EBF1: variants seen among roughly 807,000 people sequenced by gnomAD.
The protein encoded by EBF1 is transcription factor COE1.
In EBF1, 10 loss-of-function variants were observed where a neutral mutation model predicts 68.4. The ratio of observed to expected loss-of-function variants is 0.15; its 90% CI spans 0.09 to 0.25. EBF1 has a LOEUF of 0.25. EBF1 is among the 10% of genes least tolerant of loss of function. The pLI, the probability that EBF1 is intolerant of heterozygous loss-of-function variation, is 1.00. For synonymous variants in EBF1, 298 were observed against 299.8 expected, an observed-to-expected ratio of 0.99 and a Z score of 0.06; for missense variants, 509 against 794.4, an observed-to-expected ratio of 0.64 and a Z score of 4.32.
chr5:158,788,361 TC>T (rs1208946122), intron 9 of EBF1, among the ~76,000 whole-genome samples: 1 of 151,922 alleles, frequency 6.6e-6, no homozygotes, highest in African/African-American at 2.4e-5. Context: ...GGGAAAAGGA[TC>T]CCATGGAGAG....
intron 6 of EBF1, among the ~76,000 whole-genome samples, chr5:158,973,782 G>A (rs1561675104): frequency 6.6e-6 from 1 of 152,122 alleles, no homozygotes; most frequent in Non-Finnish European, 1.5e-5. Flanking sequence ...TTAGCTAAAT[G>A]TCCCATAAAA....
Position 158,699,089 on chromosome 5 carries a change from A to G in EBF1, c.*22T>C, listed in dbSNP as rs369806514. On this transcript the variant is annotated 3_prime_UTR_variant, in exon 16 of 16. Transcript: ENST00000313708. ...AGCAGAATCCAACCTCTTCATTAAT[A>G]CAATTCTTCAAGGCAATTCTTTCAC... 1.3e-4 allele frequency: 201 copies of G among 1,600,026 alleles called. No individual in the cohort carries two copies. In the African/African-American group the frequency reaches 2.4e-3, roughly 19 times the overall value.
chr5:159,075,326 G>T (rs554337457), intron 5 of EBF1, among the ~76,000 whole-genome samples: 1 of 152,226 alleles, frequency 6.6e-6, no homozygotes, highest in African/African-American at 2.4e-5. Context: ...AGGCAAATCT[G>T]CCCTGTGCTC....
At chr5:158,940,753 T>TCCCCCCCCCCCC (rs1561573370) in intron 6 of EBF1, among the ~76,000 whole-genome samples, 2 of 7,658 alleles carry the variant, frequency 2.6e-4, no homozygotes, top group Non-Finnish European at 6.4e-4. Context: ...TGCACCCCCT[T>TCCCCCCCCCCCC]CACCCCACCG....
At chr5:158,944,849 T>C (rs748897831) in intron 6 of EBF1, among the ~76,000 whole-genome samples, 1 of 152,242 alleles carries the variant, frequency 6.6e-6, no homozygotes, top group Non-Finnish European at 1.5e-5. Context: ...ATATGTTTGT[T>C]GGCCACATAA....
At chr5:158,985,738 C>T (rs1367285980) in intron 6 of EBF1, 1 of 152,218 alleles carries the variant, frequency 6.6e-6, no homozygotes, top group Non-Finnish European at 1.5e-5. Flanking sequence ...TGCTATTTGC[C>T]TACTTCTCAG....
chr5:159,008,242 C>A (rs893324660), intron 6 of EBF1, among the ~76,000 whole-genome samples: 6 of 152,138 alleles, frequency 3.9e-5, no homozygotes, highest in African/African-American at 1.4e-4. Flanking sequence ...GAAATCTATT[C>A]TAAGATTGTA....
intron 15 of EBF1, among the ~76,000 whole-genome samples, chr5:158,706,681 A>G (rs1757945050): frequency 6.6e-6 from 1 of 152,190 alleles, no homozygotes; most frequent in African/African-American, 2.4e-5. Context: ...GTGAGATGCC[A>G]GCCACCAAGG....
Position 158,712,344 on chromosome 5 carries a change from G to T in EBF1, c.1370-11C>A. On this transcript the variant is annotated splice_polypyrimidine_tract_variant and intron_variant, in intron 13 of 15. Transcript: ENST00000313708. Reference sequence around the variant, plus strand: ...AGTTGCGGGTGAAACCTGAGGGGCGGGGGCAAAACCGGAGGTGAGGGTGGC... The same window carrying T: ...AGTTGCGGGTGAAACCTGAGGGGCGTGGGCAAAACCGGAGGTGAGGGTGGC... 2 of 1,612,838 alleles carry T rather than the reference G, an allele frequency of 1.2e-6. No homozygotes were observed. The highest frequency in any genetic ancestry group is 2.7e-5 in the African/African-American group (2 of 75,036).
chr5:159,016,856 G>A (rs1483790653), intron 6 of EBF1, among the ~76,000 whole-genome samples: 1 of 152,214 alleles, frequency 6.6e-6, no homozygotes, highest in Non-Finnish European at 1.5e-5. Flanking sequence ...GAAAGGACAA[G>A]TAGATAAGTT....
intron 5 of EBF1, among the ~76,000 whole-genome samples, chr5:159,078,033 C>T (rs150649023): frequency 6.6e-6 from 1 of 152,222 alleles, no homozygotes; most frequent in Admixed American, 6.5e-5. Context: ...AGCCACCACG[C>T]CCAGGCTAGT....
At chr5:158,851,475 AGAAGG>A (rs1438486260) in intron 6 of EBF1, among the ~76,000 whole-genome samples, 2 of 92,146 alleles carry the variant, frequency 2.2e-5, no homozygotes, top group African/African-American at 8.8e-5. Flanking sequence ...AGGGAAGGAG[AGAAGG>A]GAAGGGGAGG....
chr5:158,891,132 T>C (rs1361573119), intron 6 of EBF1, among the ~76,000 whole-genome samples: 3 of 152,200 alleles, frequency 2.0e-5, no homozygotes, highest in Non-Finnish European at 4.4e-5. Flanking sequence ...TTTAGTTTTG[T>C]GTGTGTTTGT....
intron 6 of EBF1, among the ~76,000 whole-genome samples, chr5:158,965,557 T>C (rs1753940625): frequency 6.6e-6 from 1 of 152,186 alleles, no homozygotes; most frequent in African/African-American, 2.4e-5. Flanking sequence ...CTTATGCAAA[T>C]TCTGCATTTA....
chr5:159,097,899 C>A (rs942932201), intron 1 of EBF1, among the ~76,000 whole-genome samples: 1 of 152,212 alleles, frequency 6.6e-6, no homozygotes. Context: ...CGGCCACTGA[C>A]AGCCGGACCT....
chr5:158,962,707 A>G (rs1226727090), intron 6 of EBF1, among the ~76,000 whole-genome samples: 3 of 152,232 alleles, frequency 2.0e-5, no homozygotes, highest in Non-Finnish European at 4.4e-5. Context: ...TTCAGGGTGA[A>G]GAACAGTATA....
intron 4 of EBF1, among the ~76,000 whole-genome samples, chr5:159,095,330 G>C (rs1341375240): frequency 1.3e-5 from 2 of 152,148 alleles, no homozygotes; most frequent in African/African-American, 2.4e-5. Context: ...GGGGCTCCCT[G>C]GCCGGGTCAG....
At chr5:159,000,429 G>A (rs1308582483) in intron 6 of EBF1, among the ~76,000 whole-genome samples, 1 of 152,024 alleles carries the variant, frequency 6.6e-6, no homozygotes, top group African/African-American at 2.4e-5. Context: ...TGAGTTGCAA[G>A]CTGAAGTAGT....
At chr5:158,990,651 G>A (rs1443059107) in intron 6 of EBF1, among the ~76,000 whole-genome samples, 4 of 152,194 alleles carry the variant, frequency 2.6e-5, no homozygotes, top group East Asian at 1.9e-4. Flanking sequence ...AAAACCAGCT[G>A]TGTGACCAAG....
Sources: gnomAD v4.1 joint callset for allele counts (sites outside exome capture counted in the v4.1 genomes callset) on GRCh38, gnomAD v4.1.1 for gene constraint, MANE v1.5 for transcripts, NCBI Gene and HGNC (gene_info 2026-07-23, HGNC 2026-07-21) for gene names.